The following ESRRG variants were observed in gnomAD, a reference collection of about 807,000 sequenced individuals.
The protein encoded by ESRRG is estrogen related receptor gamma, also known as estrogen-related receptor gamma.
A neutral mutation model predicts 44.0 loss-of-function variants in ESRRG; 13 were observed. The observed-to-expected ratio is 0.30, with a 90% CI of 0.19 to 0.47. The LOEUF (loss-of-function observed/expected upper bound fraction) is 0.47, where lower values mean the gene tolerates loss of function less well. Ranked by LOEUF, ESRRG falls within the 20% of genes least tolerant of loss-of-function variation. The pLI is 1.00. For synonymous variants in ESRRG, 215 were observed against 214.6 expected, an observed-to-expected ratio of 1.00 and a Z score of -0.02; for missense variants, 395 against 580.6, an observed-to-expected ratio of 0.68 and a Z score of 3.29.
intron 1 of ESRRG, among the ~76,000 whole-genome samples, chr1:216,982,429 T>A (rs2074117744): frequency 6.6e-6 from 1 of 152,120 alleles, no homozygotes; most frequent in South Asian, 2.1e-4. Flanking sequence ...TTTCTCCCCA[T>A]AAACAAAGCA....
intron 1 of ESRRG, among the ~76,000 whole-genome samples, chr1:216,955,465 C>T (rs1210610026): frequency 6.6e-6 from 1 of 152,110 alleles, no homozygotes; most frequent in Non-Finnish European, 1.5e-5. Context: ...AGGATGATTC[C>T]ATATCTTGGC....
chr1:216,753,218 C>A (rs1001113050), intron 2 of ESRRG, among the ~76,000 whole-genome samples: 6 of 126,124 alleles, frequency 4.8e-5, no homozygotes, highest in Non-Finnish European at 1.0e-4. Flanking sequence ...GTCATTAGAA[C>A]TTCCTACGCA....
chr1:217,050,282 C>G (rs914474379), intron 1 of ESRRG, among the ~76,000 whole-genome samples: 1 of 152,058 alleles, frequency 6.6e-6, no homozygotes, highest in Non-Finnish European at 1.5e-5. Flanking sequence ...TAAAATGAGA[C>G]GCAGTCCAAC....
At chr1:217,023,270 C>T (rs562145324) in intron 1 of ESRRG, among the ~76,000 whole-genome samples, 28 of 152,246 alleles carry the variant, frequency 1.8e-4, no homozygotes, top group Admixed American at 1.0e-3. Context: ...ATCAATACCA[C>T]GTAAACCAAT....
intron 1 of ESRRG, among the ~76,000 whole-genome samples, chr1:217,027,098 T>C (rs1009546044): frequency 6.6e-6 from 1 of 152,130 alleles, no homozygotes; most frequent in Non-Finnish European, 1.5e-5. Flanking sequence ...TTCTAAATGT[T>C]CTGTGTCGAT....
intron 2 of ESRRG, among the ~76,000 whole-genome samples, chr1:216,912,183 A>AGAGAAG (rs1560083303): frequency 9.5e-5 from 2 of 21,156 alleles, no homozygotes; most frequent in East Asian, 1.5e-3. Flanking sequence ...AAGAAAAGAA[A>AGAGAAG]AGGAGAGGAG....
intron 1 of ESRRG, among the ~76,000 whole-genome samples, chr1:217,007,977 C>T (rs1187655706): frequency 2.0e-5 from 3 of 152,184 alleles, no homozygotes; most frequent in Non-Finnish European, 4.4e-5. Context: ...GATCCACAGA[C>T]ATCAGATCTT....
At chr1:216,621,660 A>C (rs2150483590) in intron 3 of ESRRG, among the ~76,000 whole-genome samples, 1 of 152,286 alleles carries the variant, frequency 6.6e-6, no homozygotes, top group African/African-American at 2.4e-5. Context: ...ACTGAAGACA[A>C]AATTTTACTC....
intron 2 of ESRRG, among the ~76,000 whole-genome samples, chr1:216,757,903 G>T (rs2092550436): frequency 6.6e-6 from 1 of 151,990 alleles, no homozygotes; most frequent in African/African-American, 2.4e-5. Flanking sequence ...CTAATAGATA[G>T]TACTCTTTAA....
At chr1:216,622,609 T>TACACACAC (rs1553429669) in intron 3 of ESRRG, among the ~76,000 whole-genome samples, 3 of 150,818 alleles carry the variant, frequency 2.0e-5, no homozygotes, top group South Asian at 2.1e-4. Flanking sequence ...AAATGAAAAT[T>TACACACAC]ACACACACGC....
At chr1:216,510,951 C>A (rs1198127298) in intron 6 of ESRRG, among the ~76,000 whole-genome samples, 1 of 152,130 alleles carries the variant, frequency 6.6e-6, no homozygotes, top group African/African-American at 2.4e-5. Flanking sequence ...TGCTTGGGAA[C>A]TTTCTTCTGG....
intron 2 of ESRRG, among the ~76,000 whole-genome samples, chr1:216,817,756 G>A (rs571485669): frequency 3.3e-5 from 5 of 152,248 alleles, no homozygotes; most frequent in South Asian, 2.1e-4. Flanking sequence ...GCAACAGCAC[G>A]CAAATCATAC....
At chr1:216,542,110 G>GAT (rs1491313645) in intron 5 of ESRRG, among the ~76,000 whole-genome samples, 1 of 147,392 alleles carries the variant, frequency 6.8e-6, no homozygotes, top group African/African-American at 2.5e-5. Context: ...GAGAGAGAGA[G>GAT]ATAGAATGTT....
chr1:216,968,865 C>A (rs1031055560), intron 1 of ESRRG, among the ~76,000 whole-genome samples: 6 of 152,042 alleles, frequency 3.9e-5, no homozygotes, highest in African/African-American at 7.2e-5. Flanking sequence ...GGAATATCTC[C>A]ATTTATTTAG....
At chr1:216,715,605 T>C (rs1280946358) in intron 1 of ESRRG, among the ~76,000 whole-genome samples, 1 of 152,148 alleles carries the variant, frequency 6.6e-6, no homozygotes, top group African/African-American at 2.4e-5. Context: ...TTATTTTTTT[T>C]CTCTTTAATG....
intron 2 of ESRRG, among the ~76,000 whole-genome samples, chr1:216,658,893 GA>G (rs1436807996): frequency 1.4e-5 from 2 of 146,138 alleles, no homozygotes; most frequent in Admixed American, 6.7e-5. Flanking sequence ...GAGAAGAGAA[GA>G]GAAGAGAAGA....
Position 217,035,355 on chromosome 1 carries a change from TA to T in ESRRG, c.-106+54151del, listed in dbSNP as rs1439102147. Among the ~76,000 whole-genome samples the T allele has an allele frequency of 2.1e-5, 3 of 146,136 alleles. No homozygotes were observed. In the East Asian group the frequency reaches 6.1e-4, roughly 30 times the overall value. ...AAAAAAAAAAAAGTGGTGAGCCAAG[TA>T]CCAATGTGGTGTCTCAGTAAAGAAT... is the stretch of plus-strand genomic sequence containing the variant. On this transcript the variant is annotated intron_variant, in intron 1 of 7. Coordinates refer to the ESRRG transcript ENST00000359162.
At chr1:216,547,499 AC>A (rs2054906332) in intron 5 of ESRRG, among the ~76,000 whole-genome samples, 3 of 136,378 alleles carry the variant, frequency 2.2e-5, no homozygotes, top group African/African-American at 7.4e-5. Flanking sequence ...ACTCCCAGGT[AC>A]AATTAATTGT....
At chr1:216,803,888 G>A (rs2094701775) in intron 2 of ESRRG, among the ~76,000 whole-genome samples, 1 of 151,842 alleles carries the variant, frequency 6.6e-6, no homozygotes. Context: ...TTGTTTTGGG[G>A]AGCTTTTGTT....
Sources: gnomAD v4.1 joint callset for allele counts (sites outside exome capture counted in the v4.1 genomes callset) on GRCh38, gnomAD v4.1.1 for gene constraint, MANE v1.5 for transcripts, NCBI Gene and HGNC (gene_info 2026-07-23, HGNC 2026-07-21) for gene names.